LRP2: variants seen among roughly 807,000 people sequenced by gnomAD.
LRP2 encodes low-density lipoprotein receptor-related protein 2.
A neutral mutation model predicts 531.0 loss-of-function variants in LRP2; 172 were observed. The observed-to-expected ratio is 0.32, with a 90% CI of 0.29 to 0.37. The LOEUF is 0.37. Among genes scored for constraint, LRP2 ranks in the 10% least tolerant of loss-of-function variants. LRP2 has a pLI of 1.00. For synonymous variants in LRP2, 1,992 were observed against 2,027.6 expected, an observed-to-expected ratio of 0.98 and a Z score of 0.47; for missense variants, 5,167 against 5,868.3, an observed-to-expected ratio of 0.88 and a Z score of 3.90.
At chr2:169,351,363 G>T (rs1015233663) in intron 1 of LRP2, among the ~76,000 whole-genome samples, 1 of 152,168 alleles carries the variant, frequency 6.6e-6, no homozygotes, top group African/African-American at 2.4e-5. Flanking sequence ...AAAATAGAGT[G>T]ATAGTTAGAA....
At chr2:169,169,115 G>T (rs1165216261) in intron 60 of LRP2, among the ~76,000 whole-genome samples, 1 of 152,176 alleles carries the variant, frequency 6.6e-6, no homozygotes, top group Non-Finnish European at 1.5e-5. Context: ...AATCATGTTG[G>T]CTTTCCAGTT....
At chr2:169,187,422 T>A (rs1393959453) in intron 49 of LRP2, among the ~76,000 whole-genome samples, 2 of 152,166 alleles carry the variant, frequency 1.3e-5, no homozygotes, top group Non-Finnish European at 2.9e-5. Context: ...TCAACATACA[T>A]GAAACAATGG....
rs534362567 is a variant in LRP2, at chr2:169,243,404, A to G, written c.3549T>C (p.Cys1183=). 6 of 1,614,126 alleles carry G rather than the reference A, an allele frequency of 3.7e-6. No homozygotes were observed. In the East Asian group the frequency reaches 8.9e-5, roughly 24 times the overall value. The change falls in exon 23 of 79, where the codon TGT becomes TGC. Residue 1183 remains cysteine, a splice_region_variant and synonymous_variant. Transcript: ENST00000649046. The part of the protein sequence containing the change: ...DCVDGSDEVG[C]VLNCTASQFK... Reference sequence around the variant, plus strand: ...TAAAAAAGAAGGCAATGCACTTACCACAACCAACCTCATCAGATCCATCAA... The same window carrying G: ...TAAAAAAGAAGGCAATGCACTTACCGCAACCAACCTCATCAGATCCATCAA...
At chr2:169,226,725 T>A in intron 31 of LRP2, 137 bp from the exon 32 acceptor site, 1 of 727,926 alleles carries the variant, frequency 1.4e-6, no homozygotes, top group Non-Finnish European at 2.4e-6. Flanking sequence ...TATAATGTAC[T>A]TCATCAGACA....
chr2:169,181,020 G>T (rs1164496717), intron 52 of LRP2, among the ~76,000 whole-genome samples: 1 of 152,102 alleles, frequency 6.6e-6, no homozygotes, highest in African/African-American at 2.4e-5. Context: ...CCATAAATGT[G>T]CCAAAGTATT....
In LRP2 at chr2:169,145,807, C is replaced by T. The variant is rs1457173685; in HGVS notation, c.12928G>A (p.Val4310Ile). The T allele has an allele frequency of 6.2e-7, 1 of 1,613,978 alleles. No homozygotes were observed. Among genetic ancestry groups the T allele is most frequent in the Non-Finnish European group, 8.5e-7 (1 of 1,179,994 alleles). The change falls in exon 70 of 79, where the codon GTA becomes ATA. Residue 4310 changes from valine to isoleucine, a missense_variant. Transcript: ENST00000649046. ...FGQGKKEKTL[V>I]VNPWLTQVRI... is the part of the protein sequence containing the mutation. ...ACTTGAGTGAGCCAAGGGTTCACTA[C>T]CAGCGTTTTCTCTTTCTTTCCTTGC...
intron 64 of LRP2, among the ~76,000 whole-genome samples, chr2:169,157,062 AT>A: frequency 6.6e-6 from 1 of 152,268 alleles, no homozygotes; most frequent in South Asian, 2.1e-4. Flanking sequence ...TGTTTTTTAA[AT>A]TAACTTTGAT....
In LRP2 at chr2:169,279,951, G is replaced by T. The variant is rs183265542; in HGVS notation, c.1342-356C>A. 1.4e-3 allele frequency among the ~76,000 whole-genome samples: 216 copies of T among 152,244 alleles called. 3 individuals are homozygous for T. The highest frequency in any genetic ancestry group is 2.3e-3 in the Non-Finnish European group (156 of 68,008). On this transcript the variant is annotated intron_variant, in intron 11 of 78. Transcript: ENST00000649046. ...CCGTCAATATTTGTTACTCGATCCC[G>T]AATTACAGTTCCATTTAGAAGATGC...
chr2:169,304,025 G>A (rs1684351291), intron 4 of LRP2, among the ~76,000 whole-genome samples: 1 of 152,116 alleles, frequency 6.6e-6, no homozygotes, highest in Non-Finnish European at 1.5e-5. Context: ...TTCGTATCCT[G>A]CCAGGTTTTT....
intron 52 of LRP2, among the ~76,000 whole-genome samples, chr2:169,178,678 A>T (rs571336217): frequency 3.9e-5 from 6 of 152,224 alleles, no homozygotes; most frequent in Admixed American, 1.3e-4. Flanking sequence ...GTTACAAAGG[A>T]TCCACAGCCA....
At chr2:169,285,350 A>T (rs1301086794) in intron 9 of LRP2, among the ~76,000 whole-genome samples, 1 of 152,124 alleles carries the variant, frequency 6.6e-6, no homozygotes, top group Non-Finnish European at 1.5e-5. Context: ...TGACAATAAG[A>T]TTGTATCCTT....
chr2:169,161,467 TTTGA>T (rs1381719111), intron 63 of LRP2, among the ~76,000 whole-genome samples: 1 of 152,132 alleles, frequency 6.6e-6, no homozygotes, highest in African/African-American at 2.4e-5. Context: ...TTCTTTTTTG[TTTGA>T]TTGTTTGTTT....
rs1339236625 is a variant in LRP2 at position 169,185,689 on chromosome 2, G to C, written c.9659C>G (p.Ser3220Cys). The C allele has an allele frequency of 1.2e-6, 2 of 1,613,872 alleles. No individual in the cohort carries two copies. Among genetic ancestry groups the C allele is most frequent in the Admixed American group, 1.7e-5 (1 of 59,978 alleles). Residue 3220 changes from serine to cysteine, a missense_variant, in exon 50 of 79, where the codon TCC (serine) becomes TGC (cysteine). By Grantham distance (112) the Ser-to-Cys change is moderately radical. Coordinates refer to ENST00000649046, the MANE Select transcript of LRP2 (RefSeq NM_004525.3). Reference protein sequence around the residue: ...RNLTIDGYFYSLILEGLDNVV... With the variant: ...RNLTIDGYFYCLILEGLDNVV... ...ATTGTCCAGTCCTTCCAAGATGAGG[G>C]AGTAAAAATAGCCATCTATAGTTAA...
chr2:169,162,680 G>C, intron 62 of LRP2, 80 bp from the exon 63 acceptor site: 1 of 1,447,744 alleles, frequency 6.9e-7, no homozygotes, highest in Admixed American at 1.7e-5. Flanking sequence ...GAGACAGTTT[G>C]TGCTTACCAA....
rs566453000 is a variant in LRP2, at chr2:169,352,989, T to C, written c.79+9332A>G. Among the ~76,000 whole-genome samples, 3 of 152,264 alleles carry C rather than the reference T, an allele frequency of 2.0e-5. No individual in the cohort carries two copies. The East Asian group carries it at 5.8e-4, about 29-fold the overall frequency. On this transcript the variant is annotated intron_variant, in intron 1 of 78. Transcript: ENST00000649046. ...AACCACCATGGCACATGTATACCTA[T>C]GTAACAAACCTGCACATTCTGCATA...
intron 16 of LRP2, among the ~76,000 whole-genome samples, chr2:169,268,791 T>C (rs1018671330): frequency 2.6e-5 from 4 of 152,120 alleles, no homozygotes; most frequent in East Asian, 1.9e-4. Flanking sequence ...GGTATTCAAT[T>C]AGGAAAAGAG....
chr2:169,275,515 C>T (rs1259444389), intron 13 of LRP2, among the ~76,000 whole-genome samples: 2 of 152,092 alleles, frequency 1.3e-5, no homozygotes, highest in Non-Finnish European at 2.9e-5. Flanking sequence ...TTTACTGTTT[C>T]CCCTTTTGTT....
chr2:169,360,194 T>C (rs1013839328), intron 1 of LRP2, among the ~76,000 whole-genome samples: 31 of 151,432 alleles, frequency 2.0e-4, no homozygotes, highest in Non-Finnish European at 4.0e-4. Context: ...CTGTAGCAAT[T>C]ATAGACTCTG....
At chr2:169,146,687 A>G in intron 69 of LRP2, 52 bp downstream of exon 69, 1 of 1,427,836 alleles carries the variant, frequency 7.0e-7, no homozygotes, top group East Asian at 2.5e-5. Flanking sequence ...CAAAGACATT[A>G]GAAATATGTT....
Sources: allele counts gnomAD v4.1 joint callset (sites outside exome capture counted in the v4.1 genomes callset), GRCh38; gene constraint gnomAD v4.1.1; transcripts MANE v1.5; gene names NCBI Gene and HGNC (gene_info 2026-07-23, HGNC 2026-07-21).